The following OR56A3 variants were observed in gnomAD, a reference collection of about 807,000 sequenced individuals.
OR56A3 encodes the protein olfactory receptor 56A3.
A neutral mutation model predicts 17.5 loss-of-function variants in OR56A3; 23 were observed. The observed-to-expected ratio is 1.32, with a 90% CI of 0.95 to 1.87. The LOEUF (loss-of-function observed/expected upper bound fraction) is 1.87. Among genes scored for constraint, OR56A3 ranks in the 40% most tolerant of loss-of-function variants. The pLI is 0.00. For missense variants in OR56A3, 366 were observed against 380.1 expected (o/e 0.96, Z 0.31); for synonymous variants, 175 against 150.6 (o/e 1.16, Z -1.19).
the OR56A3 span, among the ~76,000 whole-genome samples, chr11:5,960,404 C>T: frequency 2.1e-3 from 327 of 152,286 alleles, 1 homozygote; most frequent in African/African-American, 7.4e-3. Flanking sequence ...GGATTGCAGG[C>T]GCGCACCGCC....
At chr11:5,993,797 T>G in the OR56A3 span, 2 of 275,112 alleles carry the variant, frequency 7.3e-6, no homozygotes, top group Non-Finnish European at 1.4e-5. Flanking sequence ...CACTTTAACA[T>G]GTAACCAACA....
At chr11:5,988,002 A>T in the OR56A3 span, among the ~76,000 whole-genome samples, 1 of 152,200 alleles carries the variant, frequency 6.6e-6, no homozygotes, top group Non-Finnish European at 1.5e-5. Context: ...AAAGATTATC[A>T]AAAGTTATCT....
At chr11:5,980,041 T>C in the OR56A3 span, among the ~76,000 whole-genome samples, 9 of 152,186 alleles carry the variant, frequency 5.9e-5, no homozygotes, top group African/African-American at 1.7e-4. Context: ...TGTGCTGTTA[T>C]CTGAGAATGT....
the OR56A3 span, among the ~76,000 whole-genome samples, chr11:5,992,354 A>G: frequency 4.0e-4 from 61 of 152,240 alleles, 1 homozygote; most frequent in Non-Finnish European, 8.2e-4. Context: ...CCCTTTCTTC[A>G]ATCTTAAACA....
At chr11:5,956,096 G>A (rs1847930763), downstream of OR56A3, among the ~76,000 whole-genome samples, 1 of 152,060 alleles carries the variant, frequency 6.6e-6, no homozygotes, top group African/African-American at 2.4e-5. Flanking sequence ...AGTAATTCTC[G>A]ATCATAGAAA....
At chr11:5,989,620 C>T in the OR56A3 span, among the ~76,000 whole-genome samples, 13 of 152,070 alleles carry the variant, frequency 8.5e-5, no homozygotes, top group African/African-American at 3.1e-4. Flanking sequence ...ATTTCTGACT[C>T]AGAGTAGGGG....
chr11:5,944,834 C>T lies in OR56A3; in HGVS notation c.-285C>T, dbSNP rs558158297. 6.6e-6 allele frequency: 1 copy of T among 152,156 alleles called. No individual in the cohort carries two copies. Among genetic ancestry groups the T allele is most frequent in the Non-Finnish European group, 1.5e-5 (1 of 68,028 alleles). The allele number at this position is 152,156 out of a possible 1,614,324, so 9.4% of individuals were successfully genotyped here. A position where few individuals can be genotyped will look rare whatever the true frequency, so the allele number is the denominator to read the frequency against. The stretch of plus-strand genomic sequence containing the variant: ...AAAAGAATTGGGAGAATATCTAAAT[C>T]TCTTCTATATATGAGGTGAAGGGCC... On this transcript the variant is annotated 5_prime_UTR_variant, in exon 2 of 3. Coordinates refer to ENST00000641160, the MANE Select transcript of OR56A3 (RefSeq NM_001003443.3).
chr11:6,011,204 T>TATACATATATATATATATATA, the OR56A3 span, among the ~76,000 whole-genome samples: 239 of 122,480 alleles, frequency 2.0e-3, 9 homozygotes, highest in Middle Eastern at 8.5e-3. Flanking sequence ...GAGATTTATT[T>TATACATATATATATATATATA]TATATATATA....
At chr11:5,980,889 A>C in the OR56A3 span, among the ~76,000 whole-genome samples, 2 of 152,130 alleles carry the variant, frequency 1.3e-5, no homozygotes, top group South Asian at 4.1e-4. Flanking sequence ...TTGCTTGTGT[A>C]AAAAGGATTT....
chr11:5,943,248 A>C (rs899364722), intron 1 of OR56A3: 10 of 152,190 alleles, frequency 6.6e-5, no homozygotes, highest in Non-Finnish European at 1.3e-4. Context: ...CCTCCCATGT[A>C]ATCCTCAGAA....
the OR56A3 span, among the ~76,000 whole-genome samples, chr11:5,989,223 T>C: frequency 1.3e-5 from 2 of 152,222 alleles, no homozygotes; most frequent in Non-Finnish European, 2.9e-5. Context: ...AGAAAGTCCA[T>C]TGTCTTTTTT....
chr11:5,992,683 T>C, the OR56A3 span, among the ~76,000 whole-genome samples: 3 of 152,122 alleles, frequency 2.0e-5, no homozygotes, highest in Admixed American at 6.5e-5. Context: ...TCTCCAACAG[T>C]CCATCCCAGC....
chr11:5,985,782 G>A, the OR56A3 span: 6 of 662,102 alleles, frequency 9.1e-6, no homozygotes, highest in African/African-American at 9.1e-5. Flanking sequence ...ATCCCAATAA[G>A]CCAAGTATCT....
chr11:5,952,966 G>C (rs1240037275), downstream of OR56A3, among the ~76,000 whole-genome samples: 1 of 152,120 alleles, frequency 6.6e-6, no homozygotes, highest in Non-Finnish European at 1.5e-5. Context: ...CATCCATCTT[G>C]CTGCAAAGGA....
Position 5,947,812 on chromosome 11 carries a change from A to C in OR56A3, c.466A>C (p.Asn156His), listed in dbSNP as rs1847881541. 6.2e-7 allele frequency: 1 copy of C among 1,614,132 alleles called. No individual in the cohort carries two copies. The highest frequency in any genetic ancestry group is 1.7e-5 in the Admixed American group (1 of 60,020). ...VKAAMFILTR[N>H]VLMTLPIPIL... The stretch of plus-strand genomic sequence containing the variant: ...GGCTGCCATGTTTATTTTGACCAGA[A>C]ATGTGCTTATGACTCTGCCCATCCC... Residue 156 changes from asparagine (N) to histidine (H), a missense_variant, in exon 3 of 3, where the codon AAT (asparagine) becomes CAT (histidine). Coordinates refer to ENST00000641160, the MANE Select transcript of OR56A3 (RefSeq NM_001003443.3).
chr11:6,011,750 C>T, the OR56A3 span, among the ~76,000 whole-genome samples: 3 of 152,166 alleles, frequency 2.0e-5, no homozygotes, highest in Non-Finnish European at 4.4e-5. Flanking sequence ...TCCCACACCT[C>T]CAAGGGAGAC....
the OR56A3 span, among the ~76,000 whole-genome samples, chr11:5,988,731 A>G: frequency 1.3e-5 from 2 of 152,206 alleles, no homozygotes; most frequent in Non-Finnish European, 2.9e-5. Context: ...ATGATATTAT[A>G]ACAAACAATT....
At chr11:5,983,815 C>T in the OR56A3 span, among the ~76,000 whole-genome samples, 206 of 152,298 alleles carry the variant, frequency 1.4e-3, 1 homozygote, top group Non-Finnish European at 2.3e-3. Flanking sequence ...AAGTACAAAA[C>T]ATGTTCTGAT....
chr11:5,986,072 G>T, the OR56A3 span: 2 of 1,614,014 alleles, frequency 1.2e-6, no homozygotes, highest in East Asian at 4.5e-5. Context: ...ACATGATGGG[G>T]TACATGATGA....
Sources: gnomAD v4.1 joint callset for allele counts (sites outside exome capture counted in the v4.1 genomes callset) on GRCh38, gnomAD v4.1.1 for gene constraint, MANE v1.5 for transcripts, NCBI Gene and HGNC (gene_info 2026-07-23, HGNC 2026-07-21) for gene names.